STRA6: variants seen among roughly 807,000 people sequenced by gnomAD.
STRA6 encodes signaling receptor and transporter of retinol STRA6, also known as receptor for retinol uptake STRA6.
Under a neutral mutation model 83.6 loss-of-function variants are expected in STRA6, and 48 were observed. The ratio of observed to expected loss-of-function variants is 0.57; its 90% CI spans 0.46 to 0.73. The LOEUF is 0.73. STRA6 is among the 30% of genes least tolerant of loss of function. The probability of loss-of-function intolerance (pLI) is 0.00; values close to 1 mark genes in which losing one functional copy is unlikely to be tolerated. For synonymous variants in STRA6, 353 were observed against 362.3 expected (o/e 0.97, Z 0.29); for missense variants, 760 against 838.8 (o/e 0.91, Z 1.16).
chr15:74,207,982 G>A (rs1303707373), intron 1 of STRA6: 2 of 1,416,328 alleles, frequency 1.4e-6, no homozygotes, highest in African/African-American at 2.9e-5. Context: ...CATGTGGGAG[G>A]GTCAGAAGCA....
intron 18 of STRA6, 148 bp from the exon 19 acceptor site, chr15:74,180,391 G>A (rs541339579): frequency 2.3e-4 from 233 of 1,018,666 alleles, no homozygotes; most frequent in Non-Finnish European, 3.2e-4. Context: ...CATGGAAGTG[G>A]GGGGTGAGGT....
chr15:74,191,214 G>A lies in STRA6; in HGVS notation c.818C>T (p.Ser273Phe). Residue 273 changes from serine to phenylalanine, a missense_variant, in exon 10 of 19, where the codon TCC becomes TTC. Transcript: ENST00000395105. Reference protein sequence around the residue: ...SYHTSKHGFLSWARVCLRHCI... With the variant: ...SYHTSKHGFLFWARVCLRHCI... ...GTGTCTCAAGCAGACGCGGGCCCAGGACAGGAAGCCATGCTTGGAGGTGTG... is the reference window on the plus strand; with the variant it reads ...GTGTCTCAAGCAGACGCGGGCCCAGAACAGGAAGCCATGCTTGGAGGTGTG... 6.2e-7 allele frequency: 1 copy of A among 1,613,966 alleles called. No homozygotes were observed.
In STRA6 at chr15:74,202,736, G is replaced by A; in HGVS notation, c.-39C>T. The A allele has an allele frequency of 8.1e-7, 1 of 1,239,998 alleles. No homozygotes were observed. Among genetic ancestry groups the A allele is most frequent in the Non-Finnish European group, 1.0e-6 (1 of 992,840 alleles). 76.8% of individuals were successfully genotyped at this position (1,239,998 alleles called of 1,614,324 possible). A position where few individuals can be genotyped will look rare whatever the true frequency, so the allele number is the denominator to read the frequency against. On this transcript the variant is annotated 5_prime_UTR_variant, in exon 1 of 19. Coordinates refer to ENST00000395105, the MANE Select transcript of STRA6 (RefSeq NM_022369.4). Reference sequence around the variant, plus strand: ...ACCAGAAGGGAGGCCCAGGGAGGAAGGAGTTGCAGAGATGAAAGGGTAGGC... The same window carrying A: ...ACCAGAAGGGAGGCCCAGGGAGGAAAGAGTTGCAGAGATGAAAGGGTAGGC...
chr15:74,185,647 G>C (rs954052624), intron 12 of STRA6, among the ~76,000 whole-genome samples: 1 of 152,244 alleles, frequency 6.6e-6, no homozygotes, highest in Non-Finnish European at 1.5e-5. Context: ...GTGTGTGCAT[G>C]ATGGTGTGTC....
intron 13 of STRA6, 72 bp downstream of exon 13, chr15:74,184,908 C>T (rs1462723236): frequency 6.7e-7 from 1 of 1,498,266 alleles, no homozygotes; most frequent in African/African-American, 1.4e-5. Flanking sequence ...GGCCCAGGGC[C>T]TCCCCGCAGG....
rs202172221 is a variant in STRA6 at position 74,196,003 on chromosome 15, G to A, written c.406+5C>T. The A allele has an allele frequency of 2.0e-4, 325 of 1,613,832 alleles. 4 individuals are homozygous for A. In the East Asian group the frequency reaches 4.6e-3, roughly 23 times the overall value. ...CAACCCCAGGGCCTGGGGGTCAGTG[G>A]GTACCTTGGCTGGGTGCTGAGGCGA... On this transcript the variant is annotated splice_donor_5th_base_variant and intron_variant, in intron 5 of 18. Transcript: ENST00000395105.
At chr15:74,207,732 A>C (rs773498404), upstream of STRA6, 3 of 1,535,724 alleles carry the variant, frequency 2.0e-6, no homozygotes, top group South Asian at 3.6e-5. Flanking sequence ...TCCATGAATA[A>C]GCAGCCGAGA....
At chr15:74,180,992 A>C in intron 17 of STRA6, 55 bp from the exon 18 acceptor site, 1 of 1,605,056 alleles carries the variant, frequency 6.2e-7, no homozygotes, top group Admixed American at 1.7e-5. Context: ...CACTGGAGGC[A>C]TCCAGACATC....
chr15:74,180,021 G>A lies in STRA6; in HGVS notation c.*59C>T. ...GGGAGGAGAGCCGGGGAGGGAGGAG[G>A]ATGGTAGGCAGGAACATGCCTCAGC... On this transcript the variant is annotated 3_prime_UTR_variant, in exon 19 of 19. Coordinates refer to ENST00000395105, the MANE Select transcript of STRA6 (RefSeq NM_022369.4). 2 of 1,587,706 alleles carry A rather than the reference G, an allele frequency of 1.3e-6. No homozygotes were observed. Among genetic ancestry groups the A allele is most frequent in the African/African-American group, 1.3e-5 (1 of 74,608 alleles).
chr15:74,208,748 TC>T (rs1305183890), intron 1 of STRA6: 6 of 988,416 alleles, frequency 6.1e-6, no homozygotes, highest in East Asian at 2.3e-4. Flanking sequence ...TTCTCGCTGT[TC>T]CCCGACCTGT....
upstream of STRA6, chr15:74,203,073 G>A (rs1372181928): frequency 1.0e-6 from 1 of 985,692 alleles, no homozygotes; most frequent in Non-Finnish European, 1.2e-6. Flanking sequence ...ACACAGACAG[G>A]AGACCAGCAT....
At chr15:74,201,011 G>A (rs1024171612) in intron 2 of STRA6, among the ~76,000 whole-genome samples, 9 of 152,168 alleles carry the variant, frequency 5.9e-5, no homozygotes, top group East Asian at 3.8e-4. Flanking sequence ...CTGGTCTCTC[G>A]CAGGCCACAC....
At chr15:74,198,267 T>C (rs2073912951) in intron 2 of STRA6, among the ~76,000 whole-genome samples, 1 of 151,408 alleles carries the variant, frequency 6.6e-6, no homozygotes, top group South Asian at 2.1e-4. Flanking sequence ...CCACCATGCC[T>C]GGCATTTTTT....
intron 11 of STRA6, among the ~76,000 whole-genome samples, 178 bp from the exon 12 acceptor site, chr15:74,189,455 A>G (rs1235886858): frequency 6.6e-6 from 1 of 152,194 alleles, no homozygotes; most frequent in Non-Finnish European, 1.5e-5. Flanking sequence ...GACATTACAG[A>G]CAGGTGCAAT....
intron 2 of STRA6, among the ~76,000 whole-genome samples, chr15:74,198,083 C>T (rs1405559351): frequency 1.3e-5 from 2 of 151,808 alleles, no homozygotes; most frequent in African/African-American, 2.4e-5. Flanking sequence ...CAGAGTAGAC[C>T]GGCTCGGCCT....
At position 74,197,324 on chromosome 15, in the gene STRA6, G is replaced by A. The variant is rs927888445; in HGVS notation, c.266+14C>T. 107 of 1,548,108 alleles carry A rather than the reference G, an allele frequency of 6.9e-5. No homozygotes were observed. The highest frequency in any genetic ancestry group is 9.2e-5 in the Non-Finnish European group (105 of 1,144,918). ...GGGTCCCCTGAGTGGGGGTGCCCAGGCCATGGTACAAACCTGGGCAGGCCG... is the reference window on the plus strand; with the variant it reads ...GGGTCCCCTGAGTGGGGGTGCCCAGACCATGGTACAAACCTGGGCAGGCCG... On this transcript the variant is annotated intron_variant, in intron 4 of 18. Transcript: ENST00000395105.
intron 2 of STRA6, among the ~76,000 whole-genome samples, chr15:74,199,186 G>C (rs886316096): frequency 6.6e-6 from 1 of 152,250 alleles, no homozygotes. Context: ...ATGAAGAGAG[G>C]CATCAAGGCT....
intron 15 of STRA6, 33 bp from the exon 16 acceptor site, chr15:74,182,295 G>T: frequency 1.2e-6 from 2 of 1,613,182 alleles, no homozygotes; most frequent in Non-Finnish European, 8.5e-7. Flanking sequence ...GTCGCTGTTA[G>T]CGGACCTCTA....
At chr15:74,184,054 G>A in intron 13 of STRA6, 65 bp from the exon 14 acceptor site, 4 of 1,600,994 alleles carry the variant, frequency 2.5e-6, no homozygotes, top group Admixed American at 1.7e-5. Flanking sequence ...ATCCTCCTCT[G>A]GGCCAGCAAC....
Sources: gnomAD v4.1 joint callset for allele counts (sites outside exome capture counted in the v4.1 genomes callset) on GRCh38, gnomAD v4.1.1 for gene constraint, MANE v1.5 for transcripts, NCBI Gene and HGNC (gene_info 2026-07-23, HGNC 2026-07-21) for gene names.